IL1RAPL2: variants seen among roughly 807,000 people sequenced by gnomAD.
IL1RAPL2 encodes the protein X-linked interleukin-1 receptor accessory protein-like 2.
A neutral mutation model predicts 44.1 loss-of-function variants in IL1RAPL2; 3 were observed. The observed-to-expected ratio is 0.07, with a 90% CI of 0.03 to 0.18. IL1RAPL2 has a LOEUF of 0.18. Among genes scored for constraint, IL1RAPL2 ranks in the 10% least tolerant of loss-of-function variants. The pLI is 1.00. For missense variants in IL1RAPL2, 391 were observed against 496.4 expected (o/e 0.79, Z 2.02); for synonymous variants, 181 against 178.8 (o/e 1.01, Z -0.10).
At chrX:105,398,794 A>G (rs1341427257) in intron 5 of IL1RAPL2, among the ~76,000 whole-genome samples, 1 of 112,067 alleles carries the variant, frequency 8.9e-6, no homozygotes, top group Non-Finnish European at 1.9e-5. Flanking sequence ...AAGTTAAATT[A>G]GAATGCCAGC....
At chrX:105,614,971 C>T (rs889088783) in intron 6 of IL1RAPL2, among the ~76,000 whole-genome samples, 2 of 111,214 alleles carry the variant, frequency 1.8e-5, no homozygotes, top group African/African-American at 3.3e-5. Context: ...GGAGCCCAAA[C>T]AATTCTATAG....
intron 6 of IL1RAPL2, among the ~76,000 whole-genome samples, chrX:105,610,059 TCTCCC>T (rs766909612): frequency 8.9e-6 from 1 of 111,732 alleles, no homozygotes; most frequent in South Asian, 3.7e-4. Flanking sequence ...CTTGCCTGTG[TCTCCC>T]ATTTGAGAAT....
At chrX:104,658,569 C>G (rs1039834758) in intron 1 of IL1RAPL2, among the ~76,000 whole-genome samples, 17 of 112,087 alleles carry the variant, frequency 1.5e-4, no homozygotes, top group African/African-American at 5.5e-4. Flanking sequence ...ACCTATGTGA[C>G]AAACCTGCAC....
At chrX:105,382,938 A>G (rs1387128377) in intron 5 of IL1RAPL2, among the ~76,000 whole-genome samples, 63 of 85,638 alleles carry the variant, frequency 7.4e-4, no homozygotes, top group African/African-American at 2.7e-3. Context: ...ATGGGCACAG[A>G]AAGGGGAACA....
At position 104,901,266 on chromosome X, in the gene IL1RAPL2, A is replaced by G. The variant is rs755288218; in HGVS notation, c.82+242271A>G. Among the ~76,000 whole-genome samples, 5 of 80,875 alleles carry G rather than the reference A, an allele frequency of 6.2e-5. No individual in the cohort carries two copies. The South Asian group carries it at 4.2e-3, about 68-fold the overall frequency. The allele number at this position is 80,875 out of a possible 115,157, so 70.2% of individuals were successfully genotyped here. A position where few individuals can be genotyped will look rare whatever the true frequency, so the allele number is the denominator to read the frequency against. ...CGCTCTGTTGCTCAGGCTGGAGTGC[A>G]GTGGTGTGATCTCCGCTCACTGCAA... is the stretch of plus-strand genomic sequence containing the variant. On this transcript the variant is annotated intron_variant, in intron 2 of 10. Transcript: ENST00000372582.
At chrX:105,210,471 GGA>G (rs2033799260) in intron 3 of IL1RAPL2, among the ~76,000 whole-genome samples, 1 of 110,562 alleles carries the variant, frequency 9.0e-6, no homozygotes, top group Non-Finnish European at 1.9e-5. Flanking sequence ...GGCAATATCT[GGA>G]GAGATTTTTC....
intron 4 of IL1RAPL2, among the ~76,000 whole-genome samples, chrX:105,257,797 A>G (rs1380132346): frequency 1.8e-5 from 2 of 111,233 alleles, no homozygotes; most frequent in Non-Finnish European, 3.8e-5. Flanking sequence ...ATTTTCCTTC[A>G]CCTTTATTTT....
intron 2 of IL1RAPL2, among the ~76,000 whole-genome samples, chrX:105,075,670 C>T (rs2032286040): frequency 8.9e-6 from 1 of 111,853 alleles, no homozygotes; most frequent in Non-Finnish European, 1.9e-5. Flanking sequence ...TCCATCTGGT[C>T]CTGGACTTTT....
At chrX:104,907,509 T>C (rs1167961540) in intron 2 of IL1RAPL2, among the ~76,000 whole-genome samples, 1 of 111,847 alleles carries the variant, frequency 8.9e-6, no homozygotes, top group Non-Finnish European at 1.9e-5. Flanking sequence ...TGTGTCTTTG[T>C]TCTCGTTGGT....
In IL1RAPL2 at chrX:104,986,437, T is replaced by G. The variant is rs931853630; in HGVS notation, c.83-209038T>G. The stretch of plus-strand genomic sequence containing the variant: ...TTAGTAATTGATAGCTTGATTAAGT[T>G]TTCTTTCAAGTCTGAATTTTAAGAG... On this transcript the variant is annotated intron_variant, in intron 2 of 10. Coordinates refer to ENST00000372582, the MANE Select transcript of IL1RAPL2 (RefSeq NM_017416.2). Among the ~76,000 whole-genome samples the G allele has an allele frequency of 2.7e-5, 3 of 112,515 alleles. No individual in the cohort carries two copies. The South Asian group carries it at 1.1e-3, about 41-fold the overall frequency.
At chrX:105,688,172 T>C (rs1413176945) in intron 6 of IL1RAPL2, among the ~76,000 whole-genome samples, 6 of 111,856 alleles carry the variant, frequency 5.4e-5, no homozygotes. Context: ...AAGACAAGGA[T>C]GCCCTCTCTC....
At chrX:104,667,073 C>T (rs1239313309) in intron 2 of IL1RAPL2, among the ~76,000 whole-genome samples, 1 of 111,005 alleles carries the variant, frequency 9.0e-6, no homozygotes, top group Non-Finnish European at 1.9e-5. Flanking sequence ...GGCCCTGCCT[C>T]TCTCTGTGGG....
intron 2 of IL1RAPL2, among the ~76,000 whole-genome samples, chrX:104,812,271 A>G (rs1932989475): frequency 9.0e-6 from 1 of 111,470 alleles, no homozygotes; most frequent in Admixed American, 9.6e-5. Flanking sequence ...TTACAATATG[A>G]TAGTGTCTAT....
chrX:105,463,722 T>A (rs751528777), intron 5 of IL1RAPL2, among the ~76,000 whole-genome samples: 1 of 112,170 alleles, frequency 8.9e-6, no homozygotes, highest in South Asian at 3.7e-4. Flanking sequence ...TCATCACTTA[T>A]GTGTACAGAG....
chrX:105,312,840 T>C (rs2034809156), intron 5 of IL1RAPL2, among the ~76,000 whole-genome samples: 1 of 111,532 alleles, frequency 9.0e-6, no homozygotes, highest in African/African-American at 3.3e-5. Flanking sequence ...ATGATAGATA[T>C]ATATAACTTT....
intron 2 of IL1RAPL2, among the ~76,000 whole-genome samples, chrX:104,682,684 T>G (rs1930908728): frequency 8.9e-6 from 1 of 111,880 alleles, no homozygotes; most frequent in Admixed American, 9.5e-5. Flanking sequence ...AATGAGTATA[T>G]GAACATATTT....
chrX:104,942,414 A>C (rs1038105977), intron 2 of IL1RAPL2, among the ~76,000 whole-genome samples: 28 of 111,031 alleles, frequency 2.5e-4, no homozygotes, highest in Admixed American at 1.7e-3. Flanking sequence ...GAGGTCCTTC[A>C]CATCCTTTGT....
chrX:104,876,998 C>T lies in IL1RAPL2; in HGVS notation c.82+218003C>T, dbSNP rs192959595. ...TCCAGTGTTTGGTTTTTTGTTCTTG[C>T]GATAGTTTGCTGAGAATGATGGTTT... On this transcript the variant is annotated intron_variant, in intron 2 of 10. Transcript: ENST00000372582. 9.1e-4 allele frequency among the ~76,000 whole-genome samples: 100 copies of T among 109,949 alleles called. 1 individual carries two copies. Among genetic ancestry groups the T allele is most frequent in the Non-Finnish European group, 1.7e-3 (90 of 52,754 alleles).
chrX:104,786,378 A>G (rs917673266), intron 2 of IL1RAPL2, among the ~76,000 whole-genome samples: 3 of 112,034 alleles, frequency 2.7e-5, no homozygotes, highest in Non-Finnish European at 3.8e-5. Context: ...GGCTTCTAAT[A>G]TAGAAATTAT....
Sources: allele counts gnomAD v4.1 joint callset (sites outside exome capture counted in the v4.1 genomes callset), GRCh38; gene constraint gnomAD v4.1.1; transcripts MANE v1.5; gene names NCBI Gene and HGNC (gene_info 2026-07-23, HGNC 2026-07-21).